The following CEMIP variants were observed in gnomAD, a reference collection of about 807,000 sequenced individuals.
The protein encoded by CEMIP is cell migration inducing hyaluronidase 1.
In CEMIP, 105 loss-of-function variants were observed where a neutral mutation model predicts 156.9. The observed-to-expected ratio is 0.67, with a 90% CI of 0.57 to 0.79. The LOEUF is 0.79. CEMIP is among the 30% of genes least tolerant of loss of function. The pLI, the probability that CEMIP is intolerant of heterozygous loss-of-function variation, is 0.00. For missense variants in CEMIP, 1,457 were observed against 1,769.4 expected (o/e 0.82, Z 3.17); for synonymous variants, 676 against 668.4 (o/e 1.01, Z -0.17).
intron 1 of CEMIP, among the ~76,000 whole-genome samples, chr15:80,795,256 T>C (rs1464637215): frequency 6.6e-6 from 1 of 152,050 alleles, no homozygotes; most frequent in African/African-American, 2.4e-5. Context: ...CTGTTTTTTT[T>C]AAAGGGATCC....
intron 1 of CEMIP, among the ~76,000 whole-genome samples, chr15:80,796,144 G>A (rs1308244844): frequency 6.6e-6 from 1 of 152,066 alleles, no homozygotes; most frequent in African/African-American, 2.4e-5. Flanking sequence ...TATTTATTTA[G>A]CTGTTTTTGA....
Position 80,887,698 on chromosome 15 carries a change from C to T in CEMIP, c.802C>T (p.Pro268Ser), listed in dbSNP as rs1898897582. 6.2e-7 allele frequency: 1 copy of T among 1,611,506 alleles called. No homozygotes were observed. Among genetic ancestry groups the T allele is most frequent in the Non-Finnish European group, 8.5e-7 (1 of 1,179,226 alleles). ...TTATGTTTTTCTTTTTTTCAGACAC[C>T]CTTGGAGTTTTCTAACTGTGAAAGG... ...KHFLHLGFRHPWSFLTVKGNP... is the reference protein window; with the variant it reads ...KHFLHLGFRHSWSFLTVKGNP... The change falls in exon 8 of 30, where the codon CCT becomes TCT. Residue 268 changes from proline (P) to serine (S), a missense_variant. Pro to Ser is a moderately conservative substitution (Grantham distance 74). This residue lies in a region of CEMIP where 309 missense variants were observed against 340.8 expected (regional missense o/e 0.91). Coordinates refer to ENST00000394685, the MANE Select transcript of CEMIP (RefSeq NM_001293298.2).
intron 1 of CEMIP, among the ~76,000 whole-genome samples, chr15:80,790,275 C>G (rs1003434393): frequency 3.9e-5 from 6 of 152,164 alleles, no homozygotes; most frequent in African/African-American, 1.2e-4. Flanking sequence ...CACCAGCCCC[C>G]CAAGCATGTA....
At chr15:80,863,848 G>A (rs888266071) in intron 1 of CEMIP, among the ~76,000 whole-genome samples, 1 of 152,064 alleles carries the variant, frequency 6.6e-6, no homozygotes, top group African/African-American at 2.4e-5. Context: ...TTCATTCATG[G>A]AATCCCCCAG....
At position 80,929,111 on chromosome 15, in the gene CEMIP, T is replaced by C. The variant is rs548031127; in HGVS notation, c.2549T>C (p.Met850Thr). The C allele has an allele frequency of 3.7e-6, 6 of 1,614,192 alleles. No individual in the cohort carries two copies. Among genetic ancestry groups the C allele is most frequent in the South Asian group, 2.2e-5 (2 of 91,088 alleles). The part of the protein sequence containing the change: ...GESGNVGTEM[M>T]DNRIWGPGGL... The stretch of plus-strand genomic sequence containing the variant: ...AGTGGCAACGTGGGGACGGAAATGA[T>C]GGACAATAGGATCTGGGGCCCTGGC... The change falls in exon 21 of 30, where the codon ATG becomes ACG. Residue 850 changes from methionine to threonine, a missense_variant. Met to Thr is a moderately conservative substitution (Grantham distance 81, BLOSUM62 -1). Coordinates refer to ENST00000394685, the MANE Select transcript of CEMIP (RefSeq NM_001293298.2).
At chr15:80,885,997 G>A (rs74319387) in intron 7 of CEMIP, among the ~76,000 whole-genome samples, 6,435 of 152,302 alleles carry the variant, frequency 0.042, 214 homozygotes, top group East Asian at 0.13. Flanking sequence ...GGAGAACTGA[G>A]ACTTGGACCC....
chr15:80,849,741 A>G (rs1897668139), intron 1 of CEMIP, among the ~76,000 whole-genome samples: 1 of 152,194 alleles, frequency 6.6e-6, no homozygotes, highest in South Asian at 2.1e-4. Context: ...GTTATCAGGG[A>G]GGTTCTCAAA....
chr15:80,880,872 AAC>A (rs1220720281), intron 5 of CEMIP, 26 bp from the exon 6 acceptor site: 2 of 1,590,380 alleles, frequency 1.3e-6, no homozygotes, highest in Non-Finnish European at 1.7e-6. Context: ...TGTGTCAGCC[AAC>A]TCTGGGGAGC....
intron 1 of CEMIP, among the ~76,000 whole-genome samples, chr15:80,846,783 G>A (rs887628037): frequency 6.6e-6 from 1 of 152,232 alleles, no homozygotes; most frequent in African/African-American, 2.4e-5. Context: ...AAGCATAAAT[G>A]TGAAGTCCTA....
intron 26 of CEMIP, 74 bp downstream of exon 26, chr15:80,942,127 GC>G (rs1555438722): frequency 1.3e-6 from 2 of 1,526,578 alleles, no homozygotes; most frequent in Non-Finnish European, 1.8e-6. Flanking sequence ...GTCCAGTCGG[GC>G]CCAGACCCAA....
chr15:80,919,752 T>C (rs1596191675), intron 14 of CEMIP, among the ~76,000 whole-genome samples: 2 of 151,492 alleles, frequency 1.3e-5, no homozygotes, highest in South Asian at 4.2e-4. Flanking sequence ...GAGGCGGAGG[T>C]TGCAGTGAGC....
chr15:80,945,168 GCACTGC>G (rs1191576862), intron 28 of CEMIP, among the ~76,000 whole-genome samples: 1 of 152,358 alleles, frequency 6.6e-6, no homozygotes, highest in Admixed American at 6.5e-5. Flanking sequence ...AGCTGCCTCT[GCACTGC>G]CACTCTGTGG....
At chr15:80,850,120 G>A (rs564612965) in intron 1 of CEMIP, among the ~76,000 whole-genome samples, 10 of 152,292 alleles carry the variant, frequency 6.6e-5, no homozygotes, top group African/African-American at 2.4e-4. Flanking sequence ...CAAGGGATGG[G>A]CAGAGCAGGT....
chr15:80,877,263 C>T (rs1214596127), intron 3 of CEMIP, among the ~76,000 whole-genome samples: 1 of 152,098 alleles, frequency 6.6e-6, no homozygotes, highest in Non-Finnish European at 1.5e-5. Context: ...AGCCAGAATC[C>T]CTCCCAGGGT....
At chr15:80,819,700 A>G (rs544497408) in intron 1 of CEMIP, among the ~76,000 whole-genome samples, 1 of 152,366 alleles carries the variant, frequency 6.6e-6, no homozygotes, top group Admixed American at 6.5e-5. Flanking sequence ...AGGAGGAAAG[A>G]AAGGATCTTC....
At chr15:80,847,433 G>A (rs1409701904) in intron 1 of CEMIP, among the ~76,000 whole-genome samples, 1 of 152,138 alleles carries the variant, frequency 6.6e-6, no homozygotes, top group Non-Finnish European at 1.5e-5. Flanking sequence ...AACCAAATGT[G>A]AGCCAACAGA....
At chr15:80,813,788 T>A (rs1255680666) in intron 1 of CEMIP, among the ~76,000 whole-genome samples, 1 of 152,250 alleles carries the variant, frequency 6.6e-6, no homozygotes, top group Non-Finnish European at 1.5e-5. Context: ...ATTATGCTTT[T>A]CAAAATGATT....
At chr15:80,882,783 TACAC>T (rs1409446427) in intron 6 of CEMIP, among the ~76,000 whole-genome samples, 1 of 145,214 alleles carries the variant, frequency 6.9e-6, no homozygotes, top group Non-Finnish European at 1.5e-5. Flanking sequence ...CACACACACA[TACAC>T]ACACACAAGT....
intron 10 of CEMIP, among the ~76,000 whole-genome samples, chr15:80,893,340 A>T (rs529835268): frequency 5.3e-5 from 8 of 152,120 alleles, no homozygotes; most frequent in Non-Finnish European, 1.2e-4. Flanking sequence ...ATGATGATGG[A>T]TTCCTTTTAC....
Sources: allele counts gnomAD v4.1 joint callset (sites outside exome capture counted in the v4.1 genomes callset), GRCh38; gene constraint gnomAD v4.1.1; regional missense constraint gnomAD v4.1.1; transcripts MANE v1.5; gene names NCBI Gene and HGNC (gene_info 2026-07-23, HGNC 2026-07-21).